The following COG5 variants were observed in gnomAD, a reference collection of about 807,000 sequenced individuals.
COG5 encodes the protein component of oligomeric golgi complex 5.
COG5 carries 86 observed loss-of-function variants against 110.4 expected under a neutral mutation model. That is an observed-to-expected ratio of 0.78 (90% CI 0.65 to 0.93). COG5 has a LOEUF of 0.93. Among genes scored for constraint, COG5 ranks in the 40% least tolerant of loss-of-function variants. COG5 has a pLI of 0.00. For missense variants in COG5, 1,077 were observed against 987.0 expected, an observed-to-expected ratio of 1.09 and a Z score of -1.22; for synonymous variants, 360 against 334.6, an observed-to-expected ratio of 1.08 and a Z score of -0.83.
intron 12 of COG5, among the ~76,000 whole-genome samples, chr7:107,295,102 T>TATATATATATATATATA (rs1491246038): frequency 2.5e-5 from 1 of 39,834 alleles, no homozygotes; most frequent in Admixed American, 3.7e-4. Flanking sequence ...TATATATATA[T>TATATATATATATATATA]TTTTTTTTTT....
At chr7:107,233,620 G>C (rs2237662) in intron 18 of COG5, among the ~76,000 whole-genome samples, 27,677 of 152,088 alleles carry the variant, frequency 0.18, 2,983 homozygotes, top group East Asian at 0.27. Context: ...AGCTCTTTTT[G>C]TTATTTATGC....
At chr7:107,423,982 G>C (rs1161077036) in intron 6 of COG5, among the ~76,000 whole-genome samples, 1 of 152,126 alleles carries the variant, frequency 6.6e-6, no homozygotes, top group East Asian at 1.9e-4. Flanking sequence ...GTAGAATGTA[G>C]GTTAGTGAGA....
chr7:107,466,992 A>T (rs1014798743), intron 6 of COG5, among the ~76,000 whole-genome samples: 4 of 152,226 alleles, frequency 2.6e-5, no homozygotes, highest in African/African-American at 9.6e-5. Context: ...GCTGGGTAAG[A>T]ATGATTTGAT....
chr7:107,396,723 AGAC>A (rs1370448676), intron 7 of COG5, among the ~76,000 whole-genome samples: 2 of 152,312 alleles, frequency 1.3e-5, no homozygotes, highest in African/African-American at 4.8e-5. Context: ...TATCTGAAGA[AGAC>A]ATTCTAACAA....
intron 2 of COG5, 70 bp from the exon 3 acceptor site, chr7:107,554,412 T>C (rs1803147331): frequency 9.1e-6 from 12 of 1,317,352 alleles, no homozygotes; most frequent in Non-Finnish European, 1.3e-5. Flanking sequence ...CAATGTAGAA[T>C]GGACAGTCTC....
intron 6 of COG5, among the ~76,000 whole-genome samples, chr7:107,422,366 A>T (rs952325999): frequency 1.3e-5 from 2 of 152,166 alleles, no homozygotes; most frequent in Non-Finnish European, 2.9e-5. Context: ...TCTACTACTA[A>T]AAATACAAAA....
intron 6 of COG5, chr7:107,470,553 A>G (rs1031559311): frequency 2.0e-5 from 3 of 152,146 alleles, no homozygotes; most frequent in Non-Finnish European, 4.4e-5. Context: ...GTTTAATTCT[A>G]CTTATTGCTA....
chr7:107,477,594 T>C (rs1797068206), intron 6 of COG5, among the ~76,000 whole-genome samples: 1 of 151,870 alleles, frequency 6.6e-6, no homozygotes, highest in African/African-American at 2.4e-5. Context: ...CCATCCGTAA[T>C]GATCTTTCAG....
At chr7:107,508,010 A>G (rs1434534332) in intron 6 of COG5, among the ~76,000 whole-genome samples, 1 of 152,206 alleles carries the variant, frequency 6.6e-6, no homozygotes, top group African/African-American at 2.4e-5. Context: ...TCATCTCACT[A>G]GAGAGTGCCA....
intron 14 of COG5, among the ~76,000 whole-genome samples, chr7:107,275,279 C>A (rs1394663824): frequency 6.7e-6 from 1 of 149,892 alleles, no homozygotes. Flanking sequence ...ATAGTGAGAA[C>A]CCCATCTCTT....
intron 8 of COG5, among the ~76,000 whole-genome samples, chr7:107,372,072 C>T (rs1179702978): frequency 6.6e-6 from 1 of 152,180 alleles, no homozygotes; most frequent in Non-Finnish European, 1.5e-5. Flanking sequence ...GGCTACTCCT[C>T]TCTACCTTGA....
intron 6 of COG5, among the ~76,000 whole-genome samples, chr7:107,445,192 C>A (rs1794935152): frequency 1.3e-5 from 2 of 151,984 alleles, no homozygotes; most frequent in East Asian, 3.9e-4. Context: ...CACAGCAAGA[C>A]CCTGTCTCAA....
intron 5 of COG5, among the ~76,000 whole-genome samples, chr7:107,533,644 C>T (rs1371498539): frequency 6.6e-6 from 1 of 151,564 alleles, no homozygotes; most frequent in Non-Finnish European, 1.5e-5. Context: ...CAAACAAAGC[C>T]TCCAAGAAAT....
intron 16 of COG5, among the ~76,000 whole-genome samples, chr7:107,254,266 G>C (rs1802725466): frequency 1.3e-5 from 2 of 152,086 alleles, no homozygotes; most frequent in African/African-American, 4.8e-5. Flanking sequence ...AAATCAAGCA[G>C]ATTTCTGGGT....
chr7:107,450,791 G>A (rs913951166), intron 6 of COG5, among the ~76,000 whole-genome samples: 3 of 152,132 alleles, frequency 2.0e-5, no homozygotes, highest in Non-Finnish European at 2.9e-5. Context: ...CCTGGACAAC[G>A]AGAACACCTT....
At chr7:107,489,449 T>A (rs1024427431) in intron 6 of COG5, among the ~76,000 whole-genome samples, 1 of 152,170 alleles carries the variant, frequency 6.6e-6, no homozygotes, top group Non-Finnish European at 1.5e-5. Context: ...AATACTGTTA[T>A]AACCCTACCC....
intron 6 of COG5, among the ~76,000 whole-genome samples, chr7:107,524,195 A>G (rs1437631591): frequency 1.3e-5 from 2 of 152,228 alleles, no homozygotes; most frequent in African/African-American, 4.8e-5. Flanking sequence ...AGTGGTTTTT[A>G]GTACACTGAC....
chr7:107,210,956 A>G (rs567035616), intron 20 of COG5, 143 bp downstream of exon 20: 50 of 1,027,058 alleles, frequency 4.9e-5, no homozygotes, highest in African/African-American at 4.8e-4. Flanking sequence ...TCCTTTTCTA[A>G]TATCTATTCA....
intron 6 of COG5, among the ~76,000 whole-genome samples, chr7:107,468,245 C>T (rs1223984421): frequency 6.6e-6 from 1 of 152,144 alleles, no homozygotes; most frequent in East Asian, 1.9e-4. Flanking sequence ...TTTCTCTGTA[C>T]CTTTGTTTCT....
Sources: allele counts gnomAD v4.1 joint callset (sites outside exome capture counted in the v4.1 genomes callset), GRCh38; gene constraint gnomAD v4.1.1; transcripts MANE v1.5; gene names NCBI Gene and HGNC (gene_info 2026-07-23, HGNC 2026-07-21).